NBEA: variants seen among roughly 807,000 people sequenced by gnomAD.
NBEA encodes lysosomal-trafficking regulator 2.
In NBEA, 44 loss-of-function variants were observed where a neutral mutation model predicts 343.4. That is an observed-to-expected ratio of 0.13 (90% CI 0.10 to 0.16). The LOEUF (loss-of-function observed/expected upper bound fraction) is 0.16. NBEA is among the 10% of genes least tolerant of loss of function. The pLI is 1.00. For synonymous variants in NBEA, 1,175 were observed against 1,238.7 expected (o/e 0.95, Z 1.08); for missense variants, 2,555 against 3,631.3 (o/e 0.70, Z 7.62).
chr13:34,963,917 C>A (rs903570303), intron 1 of NBEA, among the ~76,000 whole-genome samples: 1 of 151,856 alleles, frequency 6.6e-6, no homozygotes, highest in Non-Finnish European at 1.5e-5. Context: ...TAATAATAAA[C>A]CTCTGTTAAG....
At chr13:35,536,731 C>T (rs773509241) in intron 41 of NBEA, among the ~76,000 whole-genome samples, 1 of 152,130 alleles carries the variant, frequency 6.6e-6, no homozygotes, top group Admixed American at 6.5e-5. Context: ...TTCAGCTAGT[C>T]GTGGATGCTG....
At chr13:35,599,778 A>G (rs78478047) in intron 47 of NBEA, among the ~76,000 whole-genome samples, 1,884 of 152,346 alleles carry the variant, frequency 0.012, 5 homozygotes, top group Middle Eastern at 0.034. Context: ...GAGGACTGTT[A>G]TAGCCATCTA....
chr13:35,037,861 C>A (rs778794155), intron 1 of NBEA, among the ~76,000 whole-genome samples: 3 of 152,176 alleles, frequency 2.0e-5, no homozygotes, highest in Non-Finnish European at 2.9e-5. Context: ...AGCCTATGTT[C>A]ACTCAAGGCC....
At chr13:35,250,456 T>A (rs2031820434) in intron 34 of NBEA, among the ~76,000 whole-genome samples, 1 of 152,164 alleles carries the variant, frequency 6.6e-6, no homozygotes, top group Non-Finnish European at 1.5e-5. Flanking sequence ...TGCAATCTCA[T>A]AAATGGTTAA....
intron 25 of NBEA, 140 bp downstream of exon 25, chr13:35,169,135 A>G (rs1236863792): frequency 3.7e-6 from 2 of 538,008 alleles, no homozygotes; most frequent in Admixed American, 7.6e-5. Flanking sequence ...TATTTAAAAG[A>G]GTCATTGAAA....
intron 1 of NBEA, among the ~76,000 whole-genome samples, chr13:35,001,384 A>T (rs1303748361): frequency 6.6e-6 from 1 of 152,178 alleles, no homozygotes; most frequent in Admixed American, 6.6e-5. Context: ...TGTTTATTGC[A>T]GCGCTATTCA....
At chr13:35,617,166 T>C (rs907241353) in intron 48 of NBEA, among the ~76,000 whole-genome samples, 3 of 152,250 alleles carry the variant, frequency 2.0e-5, no homozygotes, top group East Asian at 1.9e-4. Flanking sequence ...CTTGTGTTCA[T>C]GAAGGAATGA....
intron 38 of NBEA, among the ~76,000 whole-genome samples, chr13:35,374,390 T>C (rs2041628404): frequency 6.6e-6 from 1 of 152,194 alleles, no homozygotes; most frequent in African/African-American, 2.4e-5. Context: ...CCATAACAGA[T>C]ATTTTAGAAA....
intron 18 of NBEA, among the ~76,000 whole-genome samples, chr13:35,151,127 AAAAG>A (rs2068756590): frequency 7.2e-6 from 1 of 138,096 alleles, no homozygotes; most frequent in Non-Finnish European, 1.7e-5. Context: ...AAAAAAAAAA[AAAAG>A]AAAAGAAATT....
At chr13:35,033,775 G>A (rs1458786919) in intron 1 of NBEA, among the ~76,000 whole-genome samples, 1 of 151,754 alleles carries the variant, frequency 6.6e-6, no homozygotes, top group African/African-American at 2.4e-5. Context: ...TATTGTAAAT[G>A]GGATTATTTT....
intron 1 of NBEA, among the ~76,000 whole-genome samples, chr13:34,992,422 T>C (rs1268303387): frequency 1.3e-5 from 2 of 151,046 alleles, no homozygotes; most frequent in Non-Finnish European, 3.0e-5. Context: ...GCCTGGCTAC[T>C]TTTTTGTATT....
intron 8 of NBEA, among the ~76,000 whole-genome samples, chr13:35,067,738 T>C (rs1489086461): frequency 6.6e-6 from 1 of 152,046 alleles, no homozygotes; most frequent in Non-Finnish European, 1.5e-5. Context: ...ATATTTTCTT[T>C]AAAAAAAATT....
intron 36 of NBEA, among the ~76,000 whole-genome samples, chr13:35,332,507 G>A (rs2038986025): frequency 1.3e-5 from 2 of 152,072 alleles, no homozygotes; most frequent in South Asian, 4.1e-4. Flanking sequence ...GTAGCCACTG[G>A]AAAAATTTAA....
intron 1 of NBEA, among the ~76,000 whole-genome samples, chr13:34,975,435 T>C (rs963270238): frequency 6.6e-6 from 1 of 152,106 alleles, no homozygotes; most frequent in African/African-American, 2.4e-5. Flanking sequence ...TGGATCCTTA[T>C]CTTTCACCTT....
At chr13:35,611,734 A>G (rs1214219406) in intron 48 of NBEA, among the ~76,000 whole-genome samples, 1 of 152,192 alleles carries the variant, frequency 6.6e-6, no homozygotes, top group Admixed American at 6.5e-5. Flanking sequence ...TGTAGCATGT[A>G]TTGGTACTTT....
intron 48 of NBEA, among the ~76,000 whole-genome samples, chr13:35,615,509 A>G (rs1026301314): frequency 3.3e-5 from 5 of 151,744 alleles, no homozygotes; most frequent in African/African-American, 1.2e-4. Flanking sequence ...ACGCCCGGCT[A>G]ATTTTTTGTA....
Position 35,212,424 on chromosome 13 carries a change from A to AT in NBEA, c.5648+1249dup, listed in dbSNP as rs528430602. ...ATTTTACTGATGATGGGCATTTGGAATTTTCCATTTCTTAGTTATTACAAA... is the reference window on the plus strand; with the variant it reads ...ATTTTACTGATGATGGGCATTTGGAATTTTTCCATTTCTTAGTTATTACAAA... On this transcript the variant is annotated intron_variant, in intron 33 of 58. Coordinates refer to ENST00000379939, the MANE Select transcript of NBEA (RefSeq NM_001385012.1). Among the ~76,000 whole-genome samples the AT allele has an allele frequency of 1.8e-4, 28 of 152,154 alleles. No homozygotes were observed. In the East Asian group the frequency reaches 5.4e-3, roughly 29 times the overall value.
chr13:35,445,802 A>ATATATG (rs1315821564), intron 39 of NBEA, among the ~76,000 whole-genome samples: 1 of 84,768 alleles, frequency 1.2e-5, no homozygotes, highest in East Asian at 5.2e-4. Flanking sequence ...ATATATATAT[A>ATATATG]TATATATATA....
At chr13:35,178,783 C>G (rs536434556) in intron 28 of NBEA, among the ~76,000 whole-genome samples, 1 of 151,410 alleles carries the variant, frequency 6.6e-6, no homozygotes, top group African/African-American at 2.4e-5. Flanking sequence ...AATGTAAGAA[C>G]TCACTGTAAT....
Sources: gnomAD v4.1 joint callset for allele counts (sites outside exome capture counted in the v4.1 genomes callset) on GRCh38, gnomAD v4.1.1 for gene constraint, MANE v1.5 for transcripts, NCBI Gene and HGNC (gene_info 2026-07-23, HGNC 2026-07-21) for gene names.